Variants in SPTBN5 observed in about 807,000 individuals in gnomAD.
SPTBN5 encodes spectrin beta, non-erythrocytic 5.
SPTBN5 carries 513 observed loss-of-function variants against 477.6 expected under a neutral mutation model. The observed-to-expected ratio is 1.07, with a 90% CI of 1.00 to 1.16. SPTBN5 has a LOEUF of 1.16. Among genes scored for constraint, SPTBN5 ranks in the 50% most tolerant of loss-of-function variants. The pLI, the probability that SPTBN5 is intolerant of heterozygous loss-of-function variation, is 0.00. For missense variants in SPTBN5, 5,062 were observed against 4,731.8 expected, an observed-to-expected ratio of 1.07 and a Z score of -2.05; for synonymous variants, 2,169 against 2,011.7, an observed-to-expected ratio of 1.08 and a Z score of -2.09.
At position 41,876,957 on chromosome 15, in the gene SPTBN5, G is replaced by T. The variant is rs374962880; in HGVS notation, c.3712-9C>A. ...GCCTCCCTCACGTCCTCCTGGGAGT[G>T]CAGAGACCTGAGGTCATGCCTGGGA... On this transcript the variant is annotated splice_polypyrimidine_tract_variant and intron_variant, in intron 18 of 67. Transcript: ENST00000320955. 1.6e-4 allele frequency: 249 copies of T among 1,601,954 alleles called. 1 individual carries two copies. In the Middle Eastern group the frequency reaches 2.3e-3, roughly 15 times the overall value.
rs1348956176 is a variant in SPTBN5, at chr15:41,893,407, T to C, written c.91A>G (p.Ser31Gly). The C allele has an allele frequency of 6.2e-7, 1 of 1,613,490 alleles. No homozygotes were observed. ...TGAGAGTCCATGGTGAGACTTGGACTGGGCGGGACCCGGAGTTCTGTGCTG... is the reference window on the plus strand; with the variant it reads ...TGAGAGTCCATGGTGAGACTTGGACCGGGCGGGACCCGGAGTTCTGTGCTG... ...RPSTELRVPP[S>G]PSLTMDSQYE... Residue 31 changes from serine (S) to glycine (G), a missense_variant, in exon 2 of 68, where the codon AGT becomes GGT. By Grantham distance (56) the Ser-to-Gly change is moderately conservative (BLOSUM62 0). Transcript: ENST00000320955.
At chr15:41,849,344 C>T (rs894387382) in intron 67 of SPTBN5, among the ~76,000 whole-genome samples, 4 of 152,162 alleles carry the variant, frequency 2.6e-5, no homozygotes, top group South Asian at 4.1e-4. Context: ...GCCTGCAGGC[C>T]GGGACATGCT....
chr15:41,876,029 G>A (rs1438686416), intron 21 of SPTBN5, 85 bp downstream of exon 21: 7 of 1,491,136 alleles, frequency 4.7e-6, no homozygotes, highest in Non-Finnish European at 6.3e-6. Context: ...TTCCTTCAAA[G>A]ACTCTTCCAT....
rs759535853 is a variant in SPTBN5, at chr15:41,887,329, C to A, written c.772G>T (p.Glu258Ter). Residue 258 changes from glutamate to a stop codon, truncating the protein, a stop_gained, in exon 6 of 68, where the codon GAG becomes TAG. Coordinates refer to ENST00000320955, the MANE Select transcript of SPTBN5 (RefSeq NM_016642.4). LOFTEE classifies it high-confidence loss of function. ...ELGIAQLLDP[E>*]DVAAAQPDER... ...TCTGGCTGTGCGGCTGCCACGTCCTCGGGGTCCAGCAGCTGAGCAATGCCC... is the reference window on the plus strand; with the variant it reads ...TCTGGCTGTGCGGCTGCCACGTCCTAGGGGTCCAGCAGCTGAGCAATGCCC... 1 of 1,551,658 alleles carries A rather than the reference C, an allele frequency of 6.4e-7. No homozygotes were observed. The highest frequency in any genetic ancestry group is 8.7e-7 in the Non-Finnish European group (1 of 1,147,184).
At position 41,861,369 on chromosome 15, in the gene SPTBN5, A is replaced by G. The variant is rs1196732736; in HGVS notation, c.7815+50T>C. The G allele has an allele frequency of 3.9e-6, 6 of 1,531,942 alleles. No individual in the cohort carries two copies. The South Asian group carries it at 6.7e-5, about 17-fold the overall frequency. The allele number at this position is 1,531,942 out of a possible 1,614,324, so 94.9% of individuals were successfully genotyped here. A position where few individuals can be genotyped will look rare whatever the true frequency, so the allele number is the denominator to read the frequency against. On this transcript the variant is annotated intron_variant, in intron 46 of 67. Coordinates refer to ENST00000320955, the MANE Select transcript of SPTBN5 (RefSeq NM_016642.4). ...GCAGCACTGGCTGGTTTGACCCCTA[A>G]TGCTGCTCTGGTAATTCCCCCCTCC...
rs2065961110 is a variant in SPTBN5 at position 41,857,490 on chromosome 15, A to C, written c.8369T>G (p.Leu2790Arg). ...VAKLQKACEA[L>R]RLRRSMEELE... ...TTCCTCCATGCTCCGCCGCAGACGC[A>C]GGGCCTAGGGTAGAAAGTGAGGTAG... Residue 2790 changes from leucine (L) to arginine (R), a missense_variant, in exon 51 of 68, where the codon CTG (leucine) becomes CGG (arginine). Coordinates refer to ENST00000320955, the MANE Select transcript of SPTBN5 (RefSeq NM_016642.4). 6.2e-7 allele frequency: 1 copy of C among 1,607,852 alleles called. No homozygotes were observed. The highest frequency in any genetic ancestry group is 8.5e-7 in the Non-Finnish European group (1 of 1,176,112).
At position 41,854,813 on chromosome 15, in the gene SPTBN5, C is replaced by T; in HGVS notation, c.9587G>A (p.Arg3196Lys). 1 of 1,573,772 alleles carries T rather than the reference C, an allele frequency of 6.4e-7. No individual in the cohort carries two copies. The highest frequency in any genetic ancestry group is 8.6e-7 in the Non-Finnish European group (1 of 1,159,870). Residue 3196 changes from arginine to lysine, a missense_variant, in exon 56 of 68, where the codon AGG (arginine) becomes AAG (lysine). Physicochemically the swap from Arg to Lys is conservative, Grantham distance 26 (BLOSUM62 2). Coordinates refer to ENST00000320955, the MANE Select transcript of SPTBN5 (RefSeq NM_016642.4). ...GCGGGCTTTTATTGCTTGGTCCAAC[C>T]TCTCCCAAGCAGCCTCAATGCGGCT... ...QRSRIEAAWERLDQAIKARTE... is the reference protein window; with the variant it reads ...QRSRIEAAWEKLDQAIKARTE...
At position 41,876,942 on chromosome 15, in the gene SPTBN5, C is replaced by G. The variant is rs771767975; in HGVS notation, c.3718G>C (p.Val1240Leu). The G allele has an allele frequency of 6.2e-7, 1 of 1,606,908 alleles. No homozygotes were observed. The highest frequency in any genetic ancestry group is 1.1e-5 in the South Asian group (1 of 90,230). ...TGCAGCAGGCTCAGGGCCTCCCTCACGTCCTCCTGGGAGTGCAGAGACCTG... is the reference window on the plus strand; with the variant it reads ...TGCAGCAGGCTCAGGGCCTCCCTCAGGTCCTCCTGGGAGTGCAGAGACCTG... ...WLHLDNLGED[V>L]REALSLLQQH... Residue 1240 changes from valine to leucine, a missense_variant, in exon 19 of 68, where the codon GTG (valine) becomes CTG (leucine). By Grantham distance (32) the Val-to-Leu change is conservative (BLOSUM62 1). Transcript: ENST00000320955.
rs751070750 is a variant in SPTBN5, at chr15:41,893,020, G to A, written c.258C>T (p.Asp86=). 53 of 1,611,080 alleles carry A rather than the reference G, an allele frequency of 3.3e-5. No individual in the cohort carries two copies. Among genetic ancestry groups the A allele is most frequent in the African/African-American group, 5.3e-5 (4 of 74,936 alleles). ...KIRNLYTELA[D]GIHLLRLLEL... ...CCAGCAGCCGCAGGAGGTGGATGCC[G>A]TCAGCCAGCTCTGTGTACAGGTTCC... The change falls in exon 3 of 68, where the codon GAC becomes GAT. Residue 86 remains aspartate, a synonymous_variant. Coordinates refer to ENST00000320955, the MANE Select transcript of SPTBN5 (RefSeq NM_016642.4).
At position 41,849,939 on chromosome 15, in the gene SPTBN5, G is replaced by GT; in HGVS notation, c.10941dup (p.Leu3648ThrfsTer11). 6.3e-7 allele frequency: 1 copy of GT among 1,595,396 alleles called. No individual in the cohort carries two copies. The highest frequency in any genetic ancestry group is 8.5e-7 in the Non-Finnish European group (1 of 1,170,690). ...AGAGAGCTGACAGGTTTGGCTTTGA[G>GT]TTTTGGGCTCAGACTCTGGGCTGCA... On this transcript the variant is annotated frameshift_variant, in exon 67 of 68. Coordinates refer to ENST00000320955, the MANE Select transcript of SPTBN5 (RefSeq NM_016642.4). LOFTEE classifies it high-confidence loss of function.
At position 41,850,848 on chromosome 15, in the gene SPTBN5, G is replaced by C; in HGVS notation, c.10921+6C>G. The C allele has an allele frequency of 6.3e-7, 1 of 1,589,850 alleles. No homozygotes were observed. Among genetic ancestry groups the C allele is most frequent in the Non-Finnish European group, 8.6e-7 (1 of 1,169,188 alleles). ...GCCCTCCCCGCATCCTTCCCCTGAAGCCCACCTGCAGTGCTGCCCAGGGCT... is the reference window on the plus strand; with the variant it reads ...GCCCTCCCCGCATCCTTCCCCTGAACCCCACCTGCAGTGCTGCCCAGGGCT... On this transcript the variant is annotated splice_donor_region_variant and intron_variant, in intron 66 of 67. Coordinates refer to ENST00000320955, the MANE Select transcript of SPTBN5 (RefSeq NM_016642.4).
At position 41,879,293 on chromosome 15, in the gene SPTBN5, C is replaced by G; in HGVS notation, c.3149G>C (p.Arg1050Thr). Residue 1050 changes from arginine (R) to threonine (T), a missense_variant, in exon 16 of 68, where the codon AGG (arginine) becomes ACG (threonine). Coordinates refer to ENST00000320955, the MANE Select transcript of SPTBN5 (RefSeq NM_016642.4). The stretch of plus-strand genomic sequence containing the variant: ...CACACTTTGGAGGAAGTGGACCCTC[C>G]TCTCCAGCACCAGGGTCTTCTTCTG... Reference protein sequence around the residue: ...LAQKKTLVLERRVHFLQSVVV... With the variant: ...LAQKKTLVLETRVHFLQSVVV... The G allele has an allele frequency of 6.2e-7, 1 of 1,611,934 alleles. No individual in the cohort carries two copies. The highest frequency in any genetic ancestry group is 8.5e-7 in the Non-Finnish European group (1 of 1,179,854).
intron 45 of SPTBN5, 70 bp from the exon 46 acceptor site, chr15:41,861,566 C>G: frequency 6.4e-7 from 1 of 1,565,068 alleles, no homozygotes; most frequent in Non-Finnish European, 8.8e-7. Context: ...GTGACTGTTC[C>G]AGTGGCACAG....
rs1235902117 is a variant in SPTBN5, at chr15:41,876,962, G to C, written c.3712-14C>G. On this transcript the variant is annotated splice_polypyrimidine_tract_variant and intron_variant, in intron 18 of 67. Transcript: ENST00000320955. The stretch of plus-strand genomic sequence containing the variant: ...CCTCACGTCCTCCTGGGAGTGCAGA[G>C]ACCTGAGGTCATGCCTGGGAGAATG... 8.1e-6 allele frequency: 13 copies of C among 1,600,688 alleles called. No individual in the cohort carries two copies. The highest frequency in any genetic ancestry group is 1.1e-5 in the Non-Finnish European group (13 of 1,174,844).
At position 41,848,606 on chromosome 15, in the gene SPTBN5, G is replaced by A. The variant is rs779948726; in HGVS notation, c.*10C>T. The A allele has an allele frequency of 6.2e-7, 1 of 1,613,856 alleles. No homozygotes were observed. The highest frequency in any genetic ancestry group is 8.5e-7 in the Non-Finnish European group (1 of 1,179,794). On this transcript the variant is annotated 3_prime_UTR_variant, in exon 68 of 68. Coordinates refer to ENST00000320955, the MANE Select transcript of SPTBN5 (RefSeq NM_016642.4). ...TGCCCCTGAAGTTTGGTGTTGCACT[G>A]GGGTTCACCTCAGGGATCAGACCTG...
At position 41,863,927 on chromosome 15, in the gene SPTBN5, C is replaced by T. The variant is rs990360524; in HGVS notation, c.7016G>A (p.Arg2339Gln). Residue 2339 changes from arginine to glutamine, a missense_variant, in exon 40 of 68, where the codon CGA becomes CAA. Coordinates refer to ENST00000320955, the MANE Select transcript of SPTBN5 (RefSeq NM_016642.4). ...GACTGGCCTGTTGTTGAGCTGGCTTCGCCGCTGGCAGATGATCTTGACTTC... is the reference window on the plus strand; with the variant it reads ...GACTGGCCTGTTGTTGAGCTGGCTTTGCCGCTGGCAGATGATCTTGACTTC... Reference protein sequence around the residue: ...PEEVKIICQRRSQLNNRWASF... With the variant: ...PEEVKIICQRQSQLNNRWASF... The T allele has an allele frequency of 2.8e-5, 45 of 1,613,830 alleles. No homozygotes were observed. Among genetic ancestry groups the T allele is most frequent in the South Asian group, 6.6e-5 (6 of 91,058 alleles).
In SPTBN5 at chr15:41,852,174, A is replaced by C. The variant is rs2065785871; in HGVS notation, c.10584+8T>G. The C allele has an allele frequency of 6.3e-7, 1 of 1,581,202 alleles. No individual in the cohort carries two copies. Among genetic ancestry groups the C allele is most frequent in the African/African-American group, 1.3e-5 (1 of 74,182 alleles). ...CGGGGGTGCCTGCAGCCCCATAGGG[A>C]CACCTGCCTGGGGGTCCCTCGTCTC... is the stretch of plus-strand genomic sequence containing the variant. On this transcript the variant is annotated splice_region_variant and intron_variant, in intron 62 of 67. Transcript: ENST00000320955.
Position 41,856,914 on chromosome 15 carries a change from G to A in SPTBN5, c.8747C>T (p.Ala2916Val), listed in dbSNP as rs778062898. The A allele has an allele frequency of 2.6e-6, 4 of 1,556,502 alleles. No homozygotes were observed. The East Asian group carries it at 9.7e-5, about 38-fold the overall frequency. ...MAWVQEKLPL[A>V]AAQDYGQSLS... ...GCTCTGGCCATAGTCCTGGGCAGCGGCCAGAGGCAGCTTCTCCTGCACCCA... is the reference window on the plus strand; with the variant it reads ...GCTCTGGCCATAGTCCTGGGCAGCGACCAGAGGCAGCTTCTCCTGCACCCA... Residue 2916 changes from alanine (A) to valine (V), a missense_variant, in exon 52 of 68, where the codon GCC (alanine) becomes GTC (valine). Coordinates refer to ENST00000320955, the MANE Select transcript of SPTBN5 (RefSeq NM_016642.4).
Position 41,873,621 on chromosome 15 carries a change from G to C in SPTBN5, c.4891-13C>G, listed in dbSNP as rs1159155475. ...CATCCAGAAAGTACTGCCAAGAGTGGGGCCAACTCACCTGGAGGATCTCAG... is the reference window on the plus strand; with the variant it reads ...CATCCAGAAAGTACTGCCAAGAGTGCGGCCAACTCACCTGGAGGATCTCAG... On this transcript the variant is annotated splice_polypyrimidine_tract_variant and intron_variant, in intron 25 of 67. Coordinates refer to ENST00000320955, the MANE Select transcript of SPTBN5 (RefSeq NM_016642.4). The C allele has an allele frequency of 1.9e-6, 3 of 1,546,592 alleles. No individual in the cohort carries two copies. Among genetic ancestry groups the C allele is most frequent in the Non-Finnish European group, 2.6e-6 (3 of 1,143,664 alleles).
Sources: allele counts gnomAD v4.1 joint callset (sites outside exome capture counted in the v4.1 genomes callset), GRCh38; gene constraint gnomAD v4.1.1; transcripts MANE v1.5; gene names NCBI Gene and HGNC (gene_info 2026-07-23, HGNC 2026-07-21).